Variants in GON4L observed in about 807,000 individuals in gnomAD.
GON4L encodes the protein GON-4-like protein.
In GON4L, 87 loss-of-function variants were observed where a neutral mutation model predicts 211.8. The observed-to-expected ratio is 0.41, with a 90% CI of 0.35 to 0.49. The LOEUF (loss-of-function observed/expected upper bound fraction) is 0.49, where lower values mean the gene tolerates loss of function less well. GON4L is among the 20% of genes least tolerant of loss of function. The pLI, the probability that GON4L is intolerant of heterozygous loss-of-function variation, is 0.15. For synonymous variants in GON4L, 875 were observed against 962.6 expected, an observed-to-expected ratio of 0.91 and a Z score of 1.68; for missense variants, 2,155 against 2,659.5, an observed-to-expected ratio of 0.81 and a Z score of 4.17.
intron 6 of GON4L, among the ~76,000 whole-genome samples, chr1:155,819,281 C>T (rs552644791): frequency 1.2e-4 from 18 of 148,780 alleles, no homozygotes; most frequent in South Asian, 4.2e-4. Flanking sequence ...CCAGCCTGGA[C>T]GATGAAGCAA....
intron 2 of GON4L, among the ~76,000 whole-genome samples, chr1:155,849,773 CAAAAAAAAAAAAA>C (rs11330008): frequency 5.2e-4 from 40 of 77,314 alleles, no homozygotes; most frequent in African/African-American, 1.8e-3. Context: ...GACTCCGTCT[CAAAAAAAAAAAAA>C]AAAAAAAAAG....
intron 6 of GON4L, 21 bp downstream of exon 6, chr1:155,820,585 A>T: frequency 6.3e-7 from 1 of 1,578,576 alleles, no homozygotes; most frequent in Non-Finnish European, 8.7e-7. Flanking sequence ...AAAACCAACA[A>T]CAAAAAAACA....
intron 2 of GON4L, among the ~76,000 whole-genome samples, chr1:155,829,368 G>A (rs112445717): frequency 2.7e-4 from 41 of 152,294 alleles, no homozygotes; most frequent in African/African-American, 7.9e-4. Context: ...CACTTTGGGA[G>A]GCCAAGGTGG....
downstream of GON4L, chr1:155,745,773 G>A (rs1199850160): frequency 6.0e-6 from 5 of 837,300 alleles, no homozygotes; most frequent in African/African-American, 1.7e-5. Context: ...AAGCCAATCG[G>A]CTAGGAGCAG....
chr1:155,807,619 G>T (rs1401970026), intron 10 of GON4L, among the ~76,000 whole-genome samples: 1 of 135,126 alleles, frequency 7.4e-6, no homozygotes, highest in Non-Finnish European at 1.5e-5. Flanking sequence ...CAGGACAATG[G>T]CATGAACCCG....
rs1662484440 is a variant in GON4L, at chr1:155,766,403, G to A, written c.3070C>T (p.Arg1024Ter). ...PSFNPGKTPARSTHSEAPPSK... is the reference protein window; with the variant it reads ...PSFNPGKTPA ...GGAGGGGCTTCTGAATGAGTTGATC[G>A]GGCTGGTGTTTTCCCAGGGTTGAAG... The change falls in exon 21 of 32, where the codon CGA (arginine) becomes TGA (stop). Residue 1024 changes from arginine to a stop codon, truncating the protein, a stop_gained. Coordinates refer to ENST00000368331, the MANE Select transcript of GON4L (RefSeq NM_001282860.2). LOFTEE classifies it high-confidence loss of function. The A allele has an allele frequency of 4.3e-6, 7 of 1,614,134 alleles. No individual in the cohort carries two copies. The highest frequency in any genetic ancestry group is 5.9e-6 in the Non-Finnish European group (7 of 1,180,032).
intron 6 of GON4L, among the ~76,000 whole-genome samples, chr1:155,818,281 G>A (rs1354128479): frequency 6.6e-6 from 1 of 151,978 alleles, no homozygotes; most frequent in Non-Finnish European, 1.5e-5. Flanking sequence ...CCAGCTAACT[G>A]TTGTATTTTT....
At chr1:155,828,849 G>A (rs942263437) in intron 2 of GON4L, among the ~76,000 whole-genome samples, 2 of 150,966 alleles carry the variant, frequency 1.3e-5, no homozygotes, top group Non-Finnish European at 3.0e-5. Flanking sequence ...CAGAAATCAG[G>A]CTATCAAGGA....
At chr1:155,805,889 C>T (rs1406695535) in intron 10 of GON4L, among the ~76,000 whole-genome samples, 3 of 151,630 alleles carry the variant, frequency 2.0e-5, no homozygotes, top group Admixed American at 6.6e-5. Flanking sequence ...GGAGCTTCAC[C>T]ATGTTGGGCA....
At position 155,826,949 on chromosome 1, in the gene GON4L, G is replaced by C; in HGVS notation, c.585C>G (p.Pro195=). 6.2e-7 allele frequency: 1 copy of C among 1,613,924 alleles called. No individual in the cohort carries two copies. Among genetic ancestry groups the C allele is most frequent in the Non-Finnish European group, 8.5e-7 (1 of 1,179,800 alleles). The change falls in exon 3 of 32, where the codon CCC becomes CCG. Residue 195 remains proline (P), a synonymous_variant. Coordinates refer to ENST00000368331, the MANE Select transcript of GON4L (RefSeq NM_001282860.2). ...GSQSAKPVSQ[P]RKSTQPDVCA... ...AAACATCTGGCTGGGTTGATTTCCTGGGCTGGCTTACTGGTTTTGCAGATT... is the reference window on the plus strand; with the variant it reads ...AAACATCTGGCTGGGTTGATTTCCTCGGCTGGCTTACTGGTTTTGCAGATT...
At chr1:155,813,298 G>A in intron 10 of GON4L, among the ~76,000 whole-genome samples, 1 of 151,912 alleles carries the variant, frequency 6.6e-6, no homozygotes, top group East Asian at 1.9e-4. Context: ...AGCCAGGTGT[G>A]GTGGCATATA....
At chr1:155,784,235 T>G in intron 13 of GON4L, 146 bp from the exon 14 acceptor site, 1 of 1,143,868 alleles carries the variant, frequency 8.7e-7, no homozygotes, top group Non-Finnish European at 1.3e-6. Context: ...ACTTTCTCAC[T>G]TCAGGATTCC....
At chr1:155,814,614 C>A (rs1483999043) in intron 8 of GON4L, among the ~76,000 whole-genome samples, 165 bp from the exon 9 acceptor site, 1 of 151,858 alleles carries the variant, frequency 6.6e-6, no homozygotes, top group Non-Finnish European at 1.5e-5. Flanking sequence ...GGCGCGGTGG[C>A]GTGCACCTGT....
chr1:155,785,879 A>T (rs822023), intron 12 of GON4L, among the ~76,000 whole-genome samples: 1 of 152,120 alleles, frequency 6.6e-6, no homozygotes, highest in African/African-American at 2.4e-5. Flanking sequence ...GATGGATCAC[A>T]AAGTCAGGAG....
Position 155,765,756 on chromosome 1 carries a change from T to C in GON4L, c.3717A>G (p.Glu1239=). The stretch of plus-strand genomic sequence containing the variant: ...TGGGTTCTAGGCCCTGAAAGGCATT[T>C]TCCCCATCAGCCACAGCACAAGCAA... The part of the protein sequence containing the change: ...VDIACAVADG[E]NAFQGLEPKL... The change falls in exon 21 of 32, where the codon GAA becomes GAG. Residue 1239 remains glutamate, a synonymous_variant. Transcript: ENST00000368331. 1 of 1,614,216 alleles carries C rather than the reference T, an allele frequency of 6.2e-7. No individual in the cohort carries two copies. The highest frequency in any genetic ancestry group is 8.5e-7 in the Non-Finnish European group (1 of 1,180,028).
chr1:155,830,594 T>C (rs113157143), intron 2 of GON4L, among the ~76,000 whole-genome samples: 19 of 151,940 alleles, frequency 1.3e-4, no homozygotes, highest in African/African-American at 4.6e-4. Flanking sequence ...TCCAATTTTT[T>C]TGTTGTTGCT....
chr1:155,776,599 G>T, intron 15 of GON4L, 118 bp from the exon 16 acceptor site: 2 of 806,384 alleles, frequency 2.5e-6, no homozygotes, highest in Non-Finnish European at 2.1e-6. Flanking sequence ...CACTCAGGCT[G>T]ATGTGCAGTG....
intron 11 of GON4L, 135 bp from the exon 12 acceptor site, chr1:155,795,286 G>C: frequency 3.0e-6 from 2 of 668,330 alleles, no homozygotes; most frequent in Non-Finnish European, 5.4e-6. Flanking sequence ...GAGTGCAGTG[G>C]TACAGCCTCA....
intron 3 of GON4L, among the ~76,000 whole-genome samples, chr1:155,822,967 G>A (rs1668868169): frequency 1.3e-5 from 2 of 151,870 alleles, no homozygotes; most frequent in South Asian, 4.1e-4. Context: ...GGCTAATTTT[G>A]TATTTTTAGT....
Sources: gnomAD v4.1 joint callset for allele counts (sites outside exome capture counted in the v4.1 genomes callset) on GRCh38, gnomAD v4.1.1 for gene constraint, MANE v1.5 for transcripts, NCBI Gene and HGNC (gene_info 2026-07-23, HGNC 2026-07-21) for gene names.